NLRP3: variants seen among roughly 807,000 people sequenced by gnomAD.
NLRP3 encodes the protein NLR family pyrin domain containing 3.
In NLRP3, 48 loss-of-function variants were observed where a neutral mutation model predicts 91.3. The ratio of observed to expected loss-of-function variants is 0.53; its 90% CI spans 0.42 to 0.67. The LOEUF (loss-of-function observed/expected upper bound fraction) is 0.67. Ranked by LOEUF, NLRP3 falls within the 30% of genes least tolerant of loss-of-function variation. NLRP3 has a pLI of 0.00. For missense variants in NLRP3, 982 were observed against 1,276.9 expected (o/e 0.77, Z 3.52); for synonymous variants, 561 against 507.9 (o/e 1.10, Z -1.41).
At chr1:247,434,472 C>A (rs112688890) in intron 6 of NLRP3, among the ~76,000 whole-genome samples, 199 bp downstream of exon 6, 28 of 152,230 alleles carry the variant, frequency 1.8e-4, no homozygotes, top group African/African-American at 6.0e-4. Flanking sequence ...TCAACCCTGA[C>A]AAGGAGCATA....
chr1:247,432,179 G>A (rs1026005626), intron 5 of NLRP3, among the ~76,000 whole-genome samples: 3 of 152,182 alleles, frequency 2.0e-5, no homozygotes, highest in Non-Finnish European at 4.4e-5. Flanking sequence ...CACCGTGCCC[G>A]GCCTTAGTGT....
Position 247,418,269 on chromosome 1 carries a change from G to A in NLRP3, c.-532G>A, listed in dbSNP as rs1180304848. On this transcript the variant is annotated 5_prime_UTR_variant, in exon 2 of 10. Coordinates refer to ENST00000336119, the MANE Select transcript of NLRP3 (RefSeq NM_001243133.2). ...ATGGCTCAGGACACACTCCTGGATC[G>A]AGCCAACAGGAGAACTTTCTGGTAA... 4.9e-6 allele frequency: 1 copy of A among 205,038 alleles called. No homozygotes were observed. The highest frequency in any genetic ancestry group is 1.0e-5 in the Non-Finnish European group (1 of 98,966). The allele number at this position is 205,038 out of a possible 1,614,324, so 12.7% of individuals were successfully genotyped here.
At chr1:247,435,214 T>C (rs10754556) in intron 6 of NLRP3, among the ~76,000 whole-genome samples, 140,992 of 152,152 alleles carry the variant, frequency 0.93, 65,495 homozygotes, top group East Asian at 1. Context: ...CCCGTCACTG[T>C]ACTCCCGCCT....
chr1:247,419,012 G>A lies in NLRP3; in HGVS notation c.212G>A (p.Trp71Ter), dbSNP rs145217756. Residue 71 changes from tryptophan to a stop codon, truncating the protein, a stop_gained, in exon 2 of 10, where the codon TGG becomes TAG. Coordinates refer to ENST00000336119, the MANE Select transcript of NLRP3 (RefSeq NM_001243133.2). LOFTEE classifies it high-confidence loss of function. Reference protein sequence around the residue: ...GEEKAWAMAVWIFAAINRRDL... With the variant: ...GEEKAWAMAV ...GAGAAGGCGTGGGCCATGGCCGTGT[G>A]GATCTTCGCTGCGATCAACAGGAGA... 6.2e-7 allele frequency: 1 copy of A among 1,613,360 alleles called. No homozygotes were observed. Among genetic ancestry groups the A allele is most frequent in the African/African-American group, 1.3e-5 (1 of 74,812 alleles).
In NLRP3 at chr1:247,443,976, G is replaced by T. The variant is rs193085132; in HGVS notation, c.2668G>T (p.Val890Leu). ...PQCNLQKLGL[V>L]NSGLTSVCCS... ...CTTCTCCCTGTCCTTCTACAGGTTGGTGAATTCTGGCCTTACGTCAGTCTG... is the reference window on the plus strand; with the variant it reads ...CTTCTCCCTGTCCTTCTACAGGTTGTTGAATTCTGGCCTTACGTCAGTCTG... Residue 890 changes from valine (V) to leucine (L), a missense_variant, in exon 8 of 10, where the codon GTG becomes TTG. This residue lies in a region of NLRP3 where 373 missense variants were observed against 431.5 expected (regional missense o/e 0.86). Coordinates refer to ENST00000336119, the MANE Select transcript of NLRP3 (RefSeq NM_001243133.2). The T allele has an allele frequency of 4.2e-5, 68 of 1,614,034 alleles. No individual in the cohort carries two copies. In the African/African-American group the frequency reaches 8.9e-4, roughly 21 times the overall value.
chr1:247,438,238 T>C (rs1227110924), intron 7 of NLRP3, among the ~76,000 whole-genome samples: 1 of 152,176 alleles, frequency 6.6e-6, no homozygotes, highest in Non-Finnish European at 1.5e-5. Context: ...CATTTCACTC[T>C]TCCTCTTTGG....
chr1:247,438,776 A>G (rs761866550), intron 7 of NLRP3, among the ~76,000 whole-genome samples: 5 of 152,190 alleles, frequency 3.3e-5, no homozygotes, highest in Non-Finnish European at 5.9e-5. Context: ...TAGGTCTCAA[A>G]CCCAGATATC....
chr1:247,443,224 C>T (rs1218070331), intron 7 of NLRP3, among the ~76,000 whole-genome samples: 2 of 152,240 alleles, frequency 1.3e-5, no homozygotes, highest in East Asian at 1.9e-4. Flanking sequence ...AGCCACTGCA[C>T]CTGGCCTTAT....
chr1:247,438,669 C>A (rs1208051851), intron 7 of NLRP3, among the ~76,000 whole-genome samples: 3 of 152,180 alleles, frequency 2.0e-5, no homozygotes, highest in Non-Finnish European at 2.9e-5. Context: ...CAGGCGTGAG[C>A]CACACACCCG....
rs1388779397 is a variant in NLRP3 at position 247,425,553 on chromosome 1, G to A, written c.2104G>A (p.Val702Met). 1.2e-6 allele frequency: 2 copies of A among 1,611,890 alleles called. No homozygotes were observed. The highest frequency in any genetic ancestry group is 1.1e-5 in the South Asian group (1 of 91,082). ...EEKEGRHLDM[V>M]QCVLPSSSHA... ...AAAGGAAGGCCGACACCTTGATATG[G>A]TGCAGTGTGTCCTCCCAAGCTCCTC... The change falls in exon 4 of 10, where the codon GTG (valine) becomes ATG (methionine). Residue 702 changes from valine (V) to methionine (M), a missense_variant. Around this residue, in one of 5 missense-constraint regions of NLRP3, gnomAD observed 373 missense variants for 431.5 expected, o/e 0.86. Transcript: ENST00000336119. The surrounding 1 kb of genome is among the most constrained non-coding windows in gnomAD (Gnocchi z 4.1).
chr1:247,440,160 C>T (rs903207735), intron 7 of NLRP3, among the ~76,000 whole-genome samples: 6 of 152,122 alleles, frequency 3.9e-5, no homozygotes, highest in African/African-American at 1.4e-4. Flanking sequence ...TTTTTTCTCT[C>T]GAACTTTGGG....
chr1:247,427,105 G>A (rs1431298242), intron 4 of NLRP3, among the ~76,000 whole-genome samples: 1 of 152,188 alleles, frequency 6.6e-6, no homozygotes, highest in Non-Finnish European at 1.5e-5. Flanking sequence ...GGCAGATCTG[G>A]TGTTTGGTGA....
Position 247,429,693 on chromosome 1 carries a change from C to T in NLRP3, c.2259C>T (p.Asp753=), listed in dbSNP as rs768948090. Residue 753 remains aspartate (D), a synonymous_variant, in exon 5 of 10, where the codon GAC becomes GAT. Coordinates refer to ENST00000336119, the MANE Select transcript of NLRP3 (RefSeq NM_001243133.2). ...ACCTCAGTGACAATTCTCTGGGGGA[C>T]CCAGGGATGAGAGTGTTGTGTGAAA... The part of the protein sequence containing the change: ...ELDLSDNSLG[D]PGMRVLCETL... 1.9e-6 allele frequency: 3 copies of T among 1,614,078 alleles called. No individual in the cohort carries two copies. The highest frequency in any genetic ancestry group is 1.1e-5 in the South Asian group (1 of 91,074).
At chr1:247,436,997 T>C (rs1163353447) in intron 7 of NLRP3, among the ~76,000 whole-genome samples, 1 of 152,358 alleles carries the variant, frequency 6.6e-6, no homozygotes, top group East Asian at 1.9e-4. Context: ...GGGAGCCTCA[T>C]AACTTTGTCC....
chr1:247,419,905 C>T (rs867117523), intron 2 of NLRP3, among the ~76,000 whole-genome samples: 3 of 152,030 alleles, frequency 2.0e-5, no homozygotes, highest in African/African-American at 7.3e-5. Flanking sequence ...CTTCAAGACC[C>T]TGCTTTGAAT....
intron 2 of NLRP3, 95 bp downstream of exon 2, chr1:247,419,172 T>C: frequency 3.4e-6 from 3 of 892,578 alleles, no homozygotes; most frequent in Non-Finnish European, 4.4e-6. Flanking sequence ...ATATTTTTTT[T>C]TGAGACGGAG....
chr1:247,425,387 C>T lies in NLRP3; in HGVS notation c.1938C>T (p.Asp646=). The T allele has an allele frequency of 6.2e-7, 1 of 1,614,194 alleles. No individual in the cohort carries two copies. Among genetic ancestry groups the T allele is most frequent in the Non-Finnish European group, 8.5e-7 (1 of 1,180,036 alleles). ...QEEDFVQRAM[D]YFPKIEINLS... ...AGGACTTCGTGCAAAGGGCCATGGA[C>T]TATTTCCCCAAGATTGAGATCAATC... The change falls in exon 4 of 10, where the codon GAC becomes GAT. Residue 646 remains aspartate, a synonymous_variant. Transcript: ENST00000336119. This position sits in a 1 kb window ranked among gnomAD's most constrained non-coding sequence, Gnocchi z 4.1.
chr1:247,436,721 A>G (rs933837309), intron 7 of NLRP3, among the ~76,000 whole-genome samples: 37 of 152,150 alleles, frequency 2.4e-4, no homozygotes, highest in African/African-American at 8.0e-4. Context: ...GCAGAGAACT[A>G]TGGTTTCACT....
At chr1:247,419,155 T>G in intron 2 of NLRP3, 78 bp downstream of exon 2, 1 of 933,710 alleles carries the variant, frequency 1.1e-6, no homozygotes, top group Non-Finnish European at 1.4e-6. Context: ...TATATATATA[T>G]ATATATATAT....
Sources: gnomAD v4.1 joint callset for allele counts (sites outside exome capture counted in the v4.1 genomes callset) on GRCh38, gnomAD v4.1.1 for gene constraint, gnomAD v4.1.1 regional missense constraint, Gnocchi (gnomAD v3.1) non-coding constraint, MANE v1.5 for transcripts, NCBI Gene and HGNC (gene_info 2026-07-23, HGNC 2026-07-21) for gene names.